Variants in STARD9 observed in about 807,000 individuals in gnomAD.
STARD9 encodes the protein StAR related lipid transfer domain containing 9.
STARD9 carries 346 observed loss-of-function variants against 399.8 expected under a neutral mutation model. That is an observed-to-expected ratio of 0.87 (90% CI 0.79 to 0.95). STARD9 has a LOEUF of 0.95. Ranked by LOEUF, STARD9 falls within the 40% of genes least tolerant of loss-of-function variation. STARD9 has a pLI of 0.00. For missense variants in STARD9, 5,832 were observed against 5,667.5 expected (o/e 1.03, Z -0.93); for synonymous variants, 2,203 against 2,143.5 (o/e 1.03, Z -0.77).
rs1345252426 is a variant in STARD9, at chr15:42,719,727, A to G, written c.*153A>G. ...TGGGGCAGACAGCACTGGCCCAGGG[A>G]TGCTAGCAAAGCCCAGTCAGTACTT... is the stretch of plus-strand genomic sequence containing the variant. On this transcript the variant is annotated 3_prime_UTR_variant, in exon 33 of 33. Coordinates refer to ENST00000290607, the MANE Select transcript of STARD9 (RefSeq NM_020759.3). 8.3e-6 allele frequency: 5 copies of G among 604,378 alleles called. No homozygotes were observed. Among genetic ancestry groups the G allele is most frequent in the Non-Finnish European group, 1.5e-5 (5 of 341,834 alleles). 37.4% of individuals were successfully genotyped at this position (604,378 alleles called of 1,614,324 possible).
intron 7 of STARD9, among the ~76,000 whole-genome samples, chr15:42,642,557 C>A (rs1405758138): frequency 1.3e-5 from 2 of 152,172 alleles, no homozygotes; most frequent in Admixed American, 6.6e-5. Context: ...CCTGTGTACT[C>A]AATCTATAAG....
intron 26 of STARD9, among the ~76,000 whole-genome samples, chr15:42,716,395 C>T (rs1448072394): frequency 6.6e-6 from 1 of 152,164 alleles, no homozygotes; most frequent in Non-Finnish European, 1.5e-5. Flanking sequence ...TGGAAGCTGG[C>T]AGAGCACCCC....
intron 16 of STARD9, chr15:42,673,989 C>T (rs1317983529): frequency 4.4e-6 from 2 of 456,656 alleles, no homozygotes; most frequent in African/African-American, 4.0e-5. Context: ...TTCCATAAAT[C>T]TTCACAAAAT....
intron 1 of STARD9, among the ~76,000 whole-genome samples, chr15:42,579,674 A>G (rs1216698705): frequency 3.3e-5 from 5 of 152,210 alleles, no homozygotes; most frequent in Non-Finnish European, 7.3e-5. Flanking sequence ...GCCCATGCTT[A>G]TCTATCCCAG....
rs1188916807 is a variant in STARD9, at chr15:42,690,453, T to C, written c.8875T>C (p.Ser2959Pro). The change falls in exon 23 of 33, where the codon TCT becomes CCT. Residue 2959 changes from serine to proline, a missense_variant. Physicochemically the swap from Ser to Pro is moderately conservative, Grantham distance 74. Coordinates refer to ENST00000290607, the MANE Select transcript of STARD9 (RefSeq NM_020759.3). ...RTLPCRQPCS[S>P]QPVATHAYSS... ...TCTTCCTTGCCGACAGCCATGCAGT[T>C]CTCAACCTGTTGCTACTCATGCTTA... The C allele has an allele frequency of 6.5e-6, 10 of 1,537,222 alleles. No homozygotes were observed. In the African/African-American group the frequency reaches 1.1e-4, roughly 17 times the overall value.
Position 42,719,713 on chromosome 15 carries a change from G to A in STARD9, c.*139G>A, listed in dbSNP as rs1341222310. On this transcript the variant is annotated 3_prime_UTR_variant, in exon 33 of 33. Transcript: ENST00000290607. ...CTGCTGTGGCCGATTGGGGCAGACA[G>A]CACTGGCCCAGGGATGCTAGCAAAG... The A allele has an allele frequency of 3.2e-6, 2 of 624,868 alleles. No individual in the cohort carries two copies. Among genetic ancestry groups the A allele is most frequent in the Non-Finnish European group, 2.8e-6 (1 of 356,654 alleles). 38.7% of individuals were successfully genotyped at this position (624,868 alleles called of 1,614,324 possible).
chr15:42,687,664 A>C lies in STARD9; in HGVS notation c.6086A>C (p.Asn2029Thr). 6.5e-7 allele frequency: 1 copy of C among 1,537,126 alleles called. No individual in the cohort carries two copies. Among genetic ancestry groups the C allele is most frequent in the Non-Finnish European group, 8.7e-7 (1 of 1,146,868 alleles). Reference sequence around the variant, plus strand: ...AAGTCACAAGAAATGTTAAATCCCAACAGAGAACCTTCTGGAAAGAAACAG... The same window carrying C: ...AAGTCACAAGAAATGTTAAATCCCACCAGAGAACCTTCTGGAAAGAAACAG... ...ECKSQEMLNPNREPSGKKQNK... is the reference protein window; with the variant it reads ...ECKSQEMLNPTREPSGKKQNK... Residue 2029 changes from asparagine (N) to threonine (T), a missense_variant, in exon 23 of 33, where the codon AAC becomes ACC. By Grantham distance (65) the Asn-to-Thr change is moderately conservative. Around this residue, in one of 2 missense-constraint regions of STARD9, gnomAD observed 5,828 missense variants for 5,651.1 expected, o/e 1.03. Coordinates refer to ENST00000290607, the MANE Select transcript of STARD9 (RefSeq NM_020759.3).
At chr15:42,675,128 C>A (rs182241507) in intron 18 of STARD9, among the ~76,000 whole-genome samples, 164 bp downstream of exon 18, 1 of 152,170 alleles carries the variant, frequency 6.6e-6, no homozygotes, top group Non-Finnish European at 1.5e-5. Context: ...CATAAACAAG[C>A]CTTAATTCCA....
At chr15:42,583,891 T>C (rs1381181609) in intron 2 of STARD9, among the ~76,000 whole-genome samples, 5 of 152,090 alleles carry the variant, frequency 3.3e-5, no homozygotes, top group Non-Finnish European at 5.9e-5. Flanking sequence ...ATCTTTCAGA[T>C]CCCAGAAGGG....
At chr15:42,681,955 G>A (rs2060439596) in intron 21 of STARD9, 149 bp from the exon 22 acceptor site, 1 of 635,500 alleles carries the variant, frequency 1.6e-6, no homozygotes. Context: ...AGGGAGCCCT[G>A]TAGCCCTGCA....
intron 3 of STARD9, among the ~76,000 whole-genome samples, chr15:42,601,982 G>C (rs933634853): frequency 7.2e-5 from 11 of 152,208 alleles, no homozygotes; most frequent in African/African-American, 2.4e-4. Context: ...GAGTAGCTGG[G>C]ACTACAGGTG....
intron 3 of STARD9, among the ~76,000 whole-genome samples, chr15:42,601,418 C>T (rs575749928): frequency 3.4e-4 from 52 of 152,028 alleles, no homozygotes; most frequent in Admixed American, 1.1e-3. Flanking sequence ...CAGAGGGGCT[C>T]CTCACTTCCC....
chr15:42,707,797 G>A (rs188247542), intron 26 of STARD9, among the ~76,000 whole-genome samples: 1 of 152,044 alleles, frequency 6.6e-6, no homozygotes, highest in Admixed American at 6.5e-5. Flanking sequence ...ATCACTTTTT[G>A]CAAGAACACA....
Position 42,695,240 on chromosome 15 carries a change from G to A in STARD9, c.13063G>A (p.Ala4355Thr). 2 of 1,537,124 alleles carry A rather than the reference G, an allele frequency of 1.3e-6. No homozygotes were observed. The highest frequency in any genetic ancestry group is 2.4e-5 in the East Asian group (1 of 40,908). ...QAHEEAKVEI[A>T]RARDQLRERT... The stretch of plus-strand genomic sequence containing the variant: ...CCATGAGGAGGCCAAGGTGGAGATT[G>A]CCCGGGCCCGAGACCAACTGCGGGA... Residue 4355 changes from alanine to threonine, a missense_variant, in exon 25 of 33, where the codon GCC (alanine) becomes ACC (threonine). Coordinates refer to ENST00000290607, the MANE Select transcript of STARD9 (RefSeq NM_020759.3).
At position 42,689,246 on chromosome 15, in the gene STARD9, A is replaced by G; in HGVS notation, c.7668A>G (p.Arg2556=). The G allele has an allele frequency of 1.3e-6, 2 of 1,537,270 alleles. No individual in the cohort carries two copies. Among genetic ancestry groups the G allele is most frequent in the Non-Finnish European group, 1.7e-6 (2 of 1,146,920 alleles). The part of the protein sequence containing the change: ...SMCLAILEEI[R]QAKAQRKQLH... ...GCCTGGCCATCTTGGAGGAGATCAG[A>G]CAGGCAAAGGCCCAGAGAAAGCAGC... The change falls in exon 23 of 33, where the codon AGA becomes AGG. Residue 2556 remains arginine (R), a synonymous_variant. Transcript: ENST00000290607.
intron 3 of STARD9, among the ~76,000 whole-genome samples, chr15:42,587,465 T>C (rs551255179): frequency 6.6e-6 from 1 of 152,334 alleles, no homozygotes; most frequent in African/African-American, 2.4e-5. Context: ...AAAAGAGCAG[T>C]GTGGACATTA....
intron 3 of STARD9, among the ~76,000 whole-genome samples, chr15:42,631,324 G>A (rs1280257760): frequency 6.6e-6 from 1 of 152,140 alleles, no homozygotes; most frequent in Non-Finnish European, 1.5e-5. Flanking sequence ...GCTTACACCT[G>A]TAGTCCTAGT....
At chr15:42,589,343 C>T (rs1193027515) in intron 3 of STARD9, among the ~76,000 whole-genome samples, 1 of 152,150 alleles carries the variant, frequency 6.6e-6, no homozygotes, top group Non-Finnish European at 1.5e-5. Flanking sequence ...TGAGTCACCA[C>T]GCTTGGCCAA....
intron 3 of STARD9, among the ~76,000 whole-genome samples, chr15:42,598,692 A>G (rs1022698916): frequency 7.9e-5 from 12 of 152,022 alleles, no homozygotes; most frequent in Admixed American, 7.2e-4. Flanking sequence ...CGCCTCAAAC[A>G]TTTATCTTTG....
Sources: gnomAD v4.1 joint callset for allele counts (sites outside exome capture counted in the v4.1 genomes callset) on GRCh38, gnomAD v4.1.1 for gene constraint, gnomAD v4.1.1 regional missense constraint, MANE v1.5 for transcripts, NCBI Gene and HGNC (gene_info 2026-07-23, HGNC 2026-07-21) for gene names.